The following KCNH7 variants were observed in gnomAD, a reference collection of about 807,000 sequenced individuals.
KCNH7 encodes potassium voltage-gated channel subfamily H member 7, also known as voltage-gated inwardly rectifying potassium channel KCNH7.
A neutral mutation model predicts 120.8 loss-of-function variants in KCNH7; 49 were observed. The observed-to-expected ratio is 0.41, with a 90% CI of 0.32 to 0.51. The LOEUF is 0.51. KCNH7 is among the 20% of genes least tolerant of loss of function. KCNH7 has a pLI of 0.38. For synonymous variants in KCNH7, 547 were observed against 516.1 expected (o/e 1.06, Z -0.81); for missense variants, 1,097 against 1,446.6 (o/e 0.76, Z 3.92).
At chr2:162,825,153 C>A (rs1685239068) in intron 2 of KCNH7, among the ~76,000 whole-genome samples, 1 of 151,860 alleles carries the variant, frequency 6.6e-6, no homozygotes, top group Non-Finnish European at 1.5e-5. Context: ...CAGCAAATTA[C>A]TGAAATGAAA....
intron 9 of KCNH7, among the ~76,000 whole-genome samples, chr2:162,410,433 T>C (rs1277907527): frequency 1.3e-5 from 2 of 152,008 alleles, no homozygotes; most frequent in Non-Finnish European, 2.9e-5. Context: ...TAGCTCAAGA[T>C]GGATTAAAGA....
At chr2:162,401,978 C>T (rs1573916755) in intron 9 of KCNH7, among the ~76,000 whole-genome samples, 1 of 151,830 alleles carries the variant, frequency 6.6e-6, no homozygotes, top group African/African-American at 2.4e-5. Context: ...GGTGCTGCTA[C>T]AGGAACTCAG....
chr2:162,648,375 C>T (rs1684443871), intron 2 of KCNH7, among the ~76,000 whole-genome samples: 1 of 152,130 alleles, frequency 6.6e-6, no homozygotes, highest in Non-Finnish European at 1.5e-5. Flanking sequence ...AAGGGGAAGT[C>T]CGCCCCCATG....
intron 2 of KCNH7, among the ~76,000 whole-genome samples, chr2:162,798,435 A>T (rs990273806): frequency 6.6e-6 from 1 of 152,120 alleles, no homozygotes; most frequent in South Asian, 2.1e-4. Context: ...AGAAAATTAT[A>T]CACAGATATT....
chr2:162,473,833 A>G (rs188991967), intron 6 of KCNH7, among the ~76,000 whole-genome samples: 2 of 152,296 alleles, frequency 1.3e-5, no homozygotes, highest in East Asian at 1.9e-4. Context: ...ATGCTTAAGT[A>G]TGTGCATTTG....
At chr2:162,574,408 A>C (rs57092655) in intron 2 of KCNH7, among the ~76,000 whole-genome samples, 4,242 of 152,072 alleles carry the variant, frequency 0.028, 219 homozygotes, top group African/African-American at 0.098. Context: ...GTAAAAAAAA[A>C]AAGAGAAGAA....
In KCNH7 at chr2:162,774,249, CATTTAAACTTGTATT is replaced by C. The variant is rs201449728; in HGVS notation, c.307+62273_307+62287del. On this transcript the variant is annotated intron_variant, in intron 2 of 15. Coordinates refer to ENST00000332142, the MANE Select transcript of KCNH7 (RefSeq NM_033272.4). ...CTTTAAGCTTATTTTAAACTTGAGT[CATTTAAACTTGTATT>C]ATTTAAACATTTTATTTTCTTTACC... Among the ~76,000 whole-genome samples the C allele has an allele frequency of 7.9e-3, 1,195 of 152,158 alleles. 22 individuals are homozygous for C. The highest frequency in any genetic ancestry group is 0.028 in the African/African-American group (1,148 of 41,532).
intron 2 of KCNH7, among the ~76,000 whole-genome samples, chr2:162,808,329 G>A (rs186120198): frequency 1.3e-5 from 2 of 152,262 alleles, no homozygotes; most frequent in Admixed American, 1.3e-4. Context: ...ATAAATGCCA[G>A]ACACTGCACA....
chr2:162,660,730 T>C (rs1684928275), intron 2 of KCNH7, among the ~76,000 whole-genome samples: 1 of 152,232 alleles, frequency 6.6e-6, no homozygotes, highest in Non-Finnish European at 1.5e-5. Flanking sequence ...TCAGTTATTT[T>C]TTATACACTG....
chr2:162,727,011 T>C (rs1687551448), intron 2 of KCNH7, among the ~76,000 whole-genome samples: 1 of 152,220 alleles, frequency 6.6e-6, no homozygotes, highest in African/African-American at 2.4e-5. Flanking sequence ...GGACTTGTTT[T>C]TCAGTAGATA....
At chr2:162,379,792 T>C (rs1299444872) in intron 14 of KCNH7, 61 bp downstream of exon 14, 1 of 1,525,148 alleles carries the variant, frequency 6.6e-7, no homozygotes, top group African/African-American at 1.4e-5. Context: ...TTGTAAGGAG[T>C]AAAACTGGAC....
In KCNH7 at chr2:162,466,097, C is replaced by T. The variant is rs115660523; in HGVS notation, c.1129-19654G>A. ...GGGTGTAAGATTGATAGCTGTGTTG[C>T]AAATAAGTATATAAACTTAATACAC... On this transcript the variant is annotated intron_variant, in intron 6 of 15. Coordinates refer to ENST00000332142, the MANE Select transcript of KCNH7 (RefSeq NM_033272.4). Among the ~76,000 whole-genome samples, 1,209 of 152,158 alleles carry T rather than the reference C, an allele frequency of 7.9e-3. 11 individuals are homozygous for T. The highest frequency in any genetic ancestry group is 0.028 in the African/African-American group (1,144 of 41,510).
intron 2 of KCNH7, among the ~76,000 whole-genome samples, chr2:162,747,721 CA>C (rs1478335457): frequency 1.3e-5 from 2 of 152,122 alleles, no homozygotes; most frequent in African/African-American, 4.8e-5. Context: ...CAAAACTAAC[CA>C]GGTAGTTTGA....
intron 2 of KCNH7, among the ~76,000 whole-genome samples, chr2:162,674,923 A>G (rs10207014): frequency 0.17 from 25,699 of 151,548 alleles, 2,526 homozygotes; most frequent in East Asian, 0.46. Context: ...AGACTTCAAA[A>G]GCATTAATCA....
intron 2 of KCNH7, among the ~76,000 whole-genome samples, chr2:162,818,297 A>AG (rs1352066428): frequency 1.3e-5 from 2 of 152,004 alleles, no homozygotes; most frequent in Non-Finnish European, 2.9e-5. Flanking sequence ...AGTATAATGC[A>AG]GGGGTCAATA....
intron 2 of KCNH7, among the ~76,000 whole-genome samples, chr2:162,715,034 C>T (rs10199249): frequency 0.13 from 20,234 of 151,980 alleles, 1,534 homozygotes; most frequent in East Asian, 0.34. Flanking sequence ...ATGTATTATA[C>T]GAAGGGCTTT....
intron 2 of KCNH7, among the ~76,000 whole-genome samples, chr2:162,779,877 T>C (rs16847311): frequency 0.047 from 7,114 of 152,230 alleles, 545 homozygotes; most frequent in African/African-American, 0.16. Context: ...AGACATCCTT[T>C]TAAATCCTCT....
chr2:162,434,662 A>G (rs1399568866), intron 8 of KCNH7, among the ~76,000 whole-genome samples: 2 of 151,848 alleles, frequency 1.3e-5, no homozygotes, highest in Non-Finnish European at 2.9e-5. Context: ...GACAGGGAAA[A>G]TTACATGTAT....
intron 2 of KCNH7, among the ~76,000 whole-genome samples, chr2:162,823,935 T>C (rs2105599440): frequency 6.6e-6 from 1 of 152,064 alleles, no homozygotes; most frequent in African/African-American, 2.4e-5. Context: ...CCTATGAAAA[T>C]ACTTTATTCT....
Sources: gnomAD v4.1 joint callset for allele counts (sites outside exome capture counted in the v4.1 genomes callset) on GRCh38, gnomAD v4.1.1 for gene constraint, MANE v1.5 for transcripts, NCBI Gene and HGNC (gene_info 2026-07-23, HGNC 2026-07-21) for gene names.